The following BPIFB2 variants were observed in gnomAD, a reference collection of about 807,000 sequenced individuals.
BPIFB2 encodes the protein BPI fold containing family B member 2, also known as BPI fold-containing family B member 2.
Under a neutral mutation model 50.1 loss-of-function variants are expected in BPIFB2, and 39 were observed. The observed-to-expected ratio is 0.78, with a 90% CI of 0.60 to 1.02. BPIFB2 has a LOEUF of 1.02. BPIFB2 is among the 50% of genes least tolerant of loss of function. The pLI, the probability that BPIFB2 is intolerant of heterozygous loss-of-function variation, is 0.00. For synonymous variants in BPIFB2, 280 were observed against 256.3 expected (o/e 1.09, Z -0.88); for missense variants, 574 against 585.8 (o/e 0.98, Z 0.21).
intron 9 of BPIFB2, 81 bp from the exon 10 acceptor site, chr20:33,018,981 G>T (rs115981583): frequency 2.5e-6 from 4 of 1,593,680 alleles, no homozygotes; most frequent in Non-Finnish European, 3.4e-6. Flanking sequence ...TATGGGGAGC[G>T]ATTGCTCAGG....
chr20:33,021,643 G>T (rs1600516699), intron 14 of BPIFB2, 80 bp from the exon 15 acceptor site: 1 of 1,384,106 alleles, frequency 7.2e-7, no homozygotes, highest in South Asian at 1.2e-5. Flanking sequence ...TGCCTGCGAG[G>T]ACTCAGTGCT....
rs1990285643 is a variant in BPIFB2, at chr20:33,011,349, G to C, written c.203+232G>C. Among the ~76,000 whole-genome samples the C allele has an allele frequency of 3.3e-5, 5 of 152,230 alleles. No individual in the cohort carries two copies. In the South Asian group the frequency reaches 1.0e-3, roughly 31 times the overall value. On this transcript the variant is annotated intron_variant, in intron 3 of 15. Coordinates refer to ENST00000170150, the MANE Select transcript of BPIFB2 (RefSeq NM_025227.3). The stretch of plus-strand genomic sequence containing the variant: ...TGATTTAAGAGAGGGACCCAAGATG[G>C]AGAAGCCGGGCCTGGTGCCTCTGAA...
At chr20:33,015,695 G>A (rs1427151736) in intron 6 of BPIFB2, among the ~76,000 whole-genome samples, 199 bp downstream of exon 6, 1 of 152,010 alleles carries the variant, frequency 6.6e-6, no homozygotes, top group Non-Finnish European at 1.5e-5. Flanking sequence ...ACAAATGAGG[G>A]CAGAGTTTAT....
At chr20:33,015,708 G>C (rs1978401266) in intron 6 of BPIFB2, among the ~76,000 whole-genome samples, 1 of 152,108 alleles carries the variant, frequency 6.6e-6, no homozygotes, top group Non-Finnish European at 1.5e-5. Flanking sequence ...GAGTTTATGG[G>C]GTTGGAGGGG....
At position 33,013,860 on chromosome 20, in the gene BPIFB2, C is replaced by T; in HGVS notation, c.359C>T (p.Thr120Ile). ...CTGCCTGTGGAACTGCTGGCTGACA[C>T]CCGCGTGACCCAGAGCTCCATCAGG... Reference protein sequence around the residue: ...LTLPVELLADTRVTQSSIRTP... With the variant: ...LTLPVELLADIRVTQSSIRTP... Residue 120 changes from threonine to isoleucine, a missense_variant, in exon 5 of 16, where the codon ACC (threonine) becomes ATC (isoleucine). Thr to Ile is a moderately conservative substitution (Grantham distance 89). Transcript: ENST00000170150. 6.2e-7 allele frequency: 1 copy of T among 1,613,758 alleles called. No homozygotes were observed. Among genetic ancestry groups the T allele is most frequent in the Non-Finnish European group, 8.5e-7 (1 of 1,179,866 alleles).
chr20:33,015,620 C>G (rs1978392087), intron 6 of BPIFB2, 124 bp downstream of exon 6: 1 of 828,798 alleles, frequency 1.2e-6, no homozygotes, highest in Non-Finnish European at 1.8e-6. Flanking sequence ...AAAAGACGCC[C>G]CTTCATGGTC....
rs2146353856 is a variant in BPIFB2, at chr20:33,018,364, G to C, written c.669+14G>C. 1.9e-6 allele frequency: 3 copies of C among 1,599,020 alleles called. No individual in the cohort carries two copies. The South Asian group carries it at 3.3e-5, about 18-fold the overall frequency. On this transcript the variant is annotated intron_variant, in intron 8 of 15. Transcript: ENST00000170150. ...CTGGAAGTCAATGTAAGTGCCTCCT[G>C]GCCAGCCCAGAGCTGGGGGCTTGCT...
Position 33,020,345 on chromosome 20 carries a change from C to T in BPIFB2, c.1098C>T (p.Leu366=), listed in dbSNP as rs570390451. ...FSLDVVVNLR[L]QLSVSKVKLQ... ...GTGCCCAGGTAGTGAACTTGAGACTCCAGCTCTCTGTGTCCAAGGTGAAGC... is the reference window on the plus strand; with the variant it reads ...GTGCCCAGGTAGTGAACTTGAGACTTCAGCTCTCTGTGTCCAAGGTGAAGC... Residue 366 remains leucine, a synonymous_variant, in exon 12 of 16, where the codon CTC becomes CTT. Transcript: ENST00000170150. 2 of 1,614,144 alleles carry T rather than the reference C, an allele frequency of 1.2e-6. 1 individual carries two copies. The highest frequency in any genetic ancestry group is 2.2e-5 in the South Asian group (2 of 91,074).
At position 33,012,529 on chromosome 20, in the gene BPIFB2, G is replaced by T. The variant is rs191755285; in HGVS notation, c.204-274G>T. 3.3e-5 allele frequency among the ~76,000 whole-genome samples: 5 copies of T among 152,188 alleles called. No individual in the cohort carries two copies. The East Asian group carries it at 9.6e-4, about 29-fold the overall frequency. On this transcript the variant is annotated intron_variant, in intron 3 of 15. Coordinates refer to ENST00000170150, the MANE Select transcript of BPIFB2 (RefSeq NM_025227.3). ...AACCTTCCCAACTTTCCAGGCAGGG[G>T]TCGGAAACTGTCAAAAACCTGAGCA...
chr20:33,008,523 T>G lies in BPIFB2; in HGVS notation c.-34-18T>G. 1.4e-6 allele frequency: 2 copies of G among 1,469,986 alleles called. No individual in the cohort carries two copies. Among genetic ancestry groups the G allele is most frequent in the South Asian group, 2.6e-5 (2 of 77,344 alleles). The allele number at this position is 1,469,986 out of a possible 1,614,324, so 91.1% of individuals were successfully genotyped here. The stretch of plus-strand genomic sequence containing the variant: ...GGGCTGTTTTGGCTGAGCTCCCTGA[T>G]GCTCATTTCTACCCCAGCCCACAGA... On this transcript the variant is annotated intron_variant, in intron 1 of 15. Transcript: ENST00000170150.
intron 2 of BPIFB2, 115 bp from the exon 3 acceptor site, chr20:33,010,909 C>A: frequency 2.3e-6 from 2 of 881,528 alleles, no homozygotes; most frequent in Non-Finnish European, 3.7e-6. Context: ...GTAAGCCTAC[C>A]CCTTCCAGTC....
chr20:33,022,882 C>T (rs1481009524), intron 15 of BPIFB2, among the ~76,000 whole-genome samples: 1 of 152,190 alleles, frequency 6.6e-6, no homozygotes, highest in Admixed American at 6.5e-5. Context: ...TGCTGGCTCC[C>T]CAGCACCTGC....
rs1600514398 is a variant in BPIFB2, at chr20:33,018,202, C to T, written c.578-57C>T. 29 of 1,282,852 alleles carry T rather than the reference C, an allele frequency of 2.3e-5. No individual in the cohort carries two copies. In the East Asian group the frequency reaches 5.4e-4, roughly 24 times the overall value. The allele number at this position is 1,282,852 out of a possible 1,614,324, so 79.5% of individuals were successfully genotyped here. On this transcript the variant is annotated intron_variant, in intron 7 of 15. Coordinates refer to ENST00000170150, the MANE Select transcript of BPIFB2 (RefSeq NM_025227.3). ...AATAAACTTTTCTGGATAGATGAAA[C>T]GTTGGTGAGCAGTGCTAAATATGCC...
Position 33,023,608 on chromosome 20 carries a change from C to G in BPIFB2, c.*225C>G, listed in dbSNP as rs543242829. On this transcript the variant is annotated 3_prime_UTR_variant, in exon 16 of 16. Transcript: ENST00000170150. ...CTCCTCCCTCTTCCCTCATCTCCCC[C>G]CTCCTTCCTCTGCCCCACCCCAGCG... 1.1e-4 allele frequency: 66 copies of G among 618,212 alleles called. No homozygotes were observed. The highest frequency in any genetic ancestry group is 6.2e-4 in the Admixed American group (24 of 38,670). The allele number at this position is 618,212 out of a possible 1,614,324, so 38.3% of individuals were successfully genotyped here.
intron 5 of BPIFB2, among the ~76,000 whole-genome samples, chr20:33,014,748 G>A (rs778019548): frequency 1.3e-5 from 2 of 152,194 alleles, no homozygotes; most frequent in Non-Finnish European, 2.9e-5. Context: ...ATGTGGCTGC[G>A]TAAACCCATT....
chr20:33,017,001 G>C (rs779009651), intron 6 of BPIFB2, 41 bp from the exon 7 acceptor site: 1 of 1,593,826 alleles, frequency 6.3e-7, no homozygotes, highest in East Asian at 2.2e-5. Context: ...CAGCCCCAGG[G>C]CTGCCCTAAC....
intron 2 of BPIFB2, among the ~76,000 whole-genome samples, chr20:33,010,459 A>C (rs1990270449): frequency 6.6e-6 from 1 of 152,244 alleles, no homozygotes; most frequent in South Asian, 2.1e-4. Flanking sequence ...GACAGATACC[A>C]TTAGAATCAT....
chr20:33,015,516 C>G lies in BPIFB2; in HGVS notation c.516+20C>G, dbSNP rs1402970859. Reference sequence around the variant, plus strand: ...AACAAGGTAAAGGGCTTGCAGATTTCTCAGAAAGGAGGGCATGGCTTCACC... The same window carrying G: ...AACAAGGTAAAGGGCTTGCAGATTTGTCAGAAAGGAGGGCATGGCTTCACC... On this transcript the variant is annotated intron_variant, in intron 6 of 15. Transcript: ENST00000170150. The G allele has an allele frequency of 6.3e-7, 1 of 1,593,792 alleles. No homozygotes were observed. Among genetic ancestry groups the G allele is most frequent in the African/African-American group, 1.4e-5 (1 of 73,804 alleles).
At position 33,018,836 on chromosome 20, in the gene BPIFB2, C is replaced by T. The variant is rs767004197; in HGVS notation, c.855+14C>T. The T allele has an allele frequency of 1.2e-6, 2 of 1,606,084 alleles. No individual in the cohort carries two copies. Among genetic ancestry groups the T allele is most frequent in the Admixed American group, 1.7e-5 (1 of 59,598 alleles). On this transcript the variant is annotated intron_variant, in intron 9 of 15. Transcript: ENST00000170150. ...ACAGGGCAGCTGGTGAGGGCCCGAC[C>T]TGCAGCCCAGGGCCTGTGGGGCAAG...
Sources: allele counts gnomAD v4.1 joint callset (sites outside exome capture counted in the v4.1 genomes callset), GRCh38; gene constraint gnomAD v4.1.1; transcripts MANE v1.5; gene names NCBI Gene and HGNC (gene_info 2026-07-23, HGNC 2026-07-21).